PEAK1: variants seen among roughly 807,000 people sequenced by gnomAD.
PEAK1 encodes pseudopodium enriched atypical kinase 1.
Under a neutral mutation model 124.7 loss-of-function variants are expected in PEAK1, and 54 were observed. That is an observed-to-expected ratio of 0.43 (90% CI 0.35 to 0.54). The LOEUF (loss-of-function observed/expected upper bound fraction) is 0.54. Among genes scored for constraint, PEAK1 ranks in the 20% least tolerant of loss-of-function variants. The pLI is 0.01. For missense variants in PEAK1, 2,046 were observed against 2,134.5 expected, an observed-to-expected ratio of 0.96 and a Z score of 0.82; for synonymous variants, 719 against 760.0, an observed-to-expected ratio of 0.95 and a Z score of 0.89.
intron 2 of PEAK1, among the ~76,000 whole-genome samples, chr15:77,328,126 C>T (rs2153027967): frequency 6.6e-6 from 1 of 152,214 alleles, no homozygotes; most frequent in Middle Eastern, 3.4e-3. Context: ...GTATTTTAAT[C>T]CATTGACTGG....
chr15:77,365,567 G>A (rs2068165946), intron 1 of PEAK1, among the ~76,000 whole-genome samples: 1 of 152,000 alleles, frequency 6.6e-6, no homozygotes, highest in African/African-American at 2.4e-5. Context: ...GCGAAACCGT[G>A]TCTCTACTAA....
At chr15:77,145,130 T>C (rs1343018894) in intron 8 of PEAK1, among the ~76,000 whole-genome samples, 2 of 152,212 alleles carry the variant, frequency 1.3e-5, no homozygotes, top group Non-Finnish European at 2.9e-5. Flanking sequence ...TTCCATAATC[T>C]ACCTCTTTAC....
chr15:77,319,959 A>C (rs1360960357), intron 2 of PEAK1, among the ~76,000 whole-genome samples: 2 of 152,220 alleles, frequency 1.3e-5, no homozygotes, highest in Admixed American at 6.5e-5. Flanking sequence ...AACCAACATG[A>C]GATTTTATTA....
At chr15:77,185,514 G>A (rs1307854395) in intron 6 of PEAK1, among the ~76,000 whole-genome samples, 1 of 152,210 alleles carries the variant, frequency 6.6e-6, no homozygotes, top group Admixed American at 6.5e-5. Flanking sequence ...ATGCTGCTGA[G>A]AGGTAACGGA....
intron 1 of PEAK1, among the ~76,000 whole-genome samples, chr15:77,382,678 G>A (rs2069582009): frequency 6.6e-6 from 1 of 152,126 alleles, no homozygotes; most frequent in South Asian, 2.1e-4. Flanking sequence ...GTTCCTCCTA[G>A]AGCAGAGTCA....
At chr15:77,284,127 G>A (rs1021405007) in intron 4 of PEAK1, 97 bp from the exon 5 acceptor site, 1 of 543,696 alleles carries the variant, frequency 1.8e-6, no homozygotes, top group Non-Finnish European at 2.3e-6. Context: ...TGTAAACAAT[G>A]AAGAGAATGA....
At chr15:77,102,539 T>G (rs2050704412) in exon 7 of PEAK1, 1 of 152,236 alleles carries the variant, frequency 6.6e-6, no homozygotes. Context: ...CTTTGTGGCA[T>G]GTAACTCTGT....
At chr15:77,379,502 C>T (rs181343497) in intron 1 of PEAK1, among the ~76,000 whole-genome samples, 92 of 152,202 alleles carry the variant, frequency 6.0e-4, no homozygotes, top group Non-Finnish European at 7.4e-5. Flanking sequence ...CTGGGAAGAA[C>T]GGTATACATG....
At chr15:77,246,285 G>A (rs2060583802) in intron 6 of PEAK1, among the ~76,000 whole-genome samples, 2 of 152,160 alleles carry the variant, frequency 1.3e-5, no homozygotes, top group African/African-American at 4.8e-5. Flanking sequence ...GGGATTACAG[G>A]CGTGAGCCAC....
rs143273687 is a variant in PEAK1 at position 77,377,416 on chromosome 15, C to T, written c.-665-12191G>A. Among the ~76,000 whole-genome samples, 1,225 of 151,312 alleles carry T rather than the reference C, an allele frequency of 8.1e-3. 11 individuals are homozygous for T. The highest frequency in any genetic ancestry group is 0.034 in the South Asian group (162 of 4,796). Reference sequence around the variant, plus strand: ...AAAGTAAAACACAATTACAGATAAACATAGACAAGGTATGGGAAAAATACA... The same window carrying T: ...AAAGTAAAACACAATTACAGATAAATATAGACAAGGTATGGGAAAAATACA... On this transcript the variant is annotated intron_variant, in intron 1 of 9. Transcript: ENST00000682557.
intron 1 of PEAK1, chr15:77,402,169 A>AC: frequency 2.6e-5 from 11 of 418,948 alleles, no homozygotes; most frequent in Non-Finnish European, 2.9e-5. Flanking sequence ...TCCACCTCGG[A>AC]AAAAAAAAAA....
chr15:77,108,011 C>T (rs1325193236), downstream of PEAK1: 5 of 152,246 alleles, frequency 3.3e-5, no homozygotes, highest in Non-Finnish European at 7.3e-5. Context: ...ACCCAGAGTG[C>T]AGAAGACACA....
chr15:77,334,792 G>C, intron 2 of PEAK1: 1 of 985,150 alleles, frequency 1.0e-6, no homozygotes, highest in Non-Finnish European at 1.2e-6. Context: ...TTGTCATTTT[G>C]ATTTATTTTT....
chr15:77,402,593 C>G (rs1245850369), intron 1 of PEAK1: 2 of 981,494 alleles, frequency 2.0e-6, no homozygotes, highest in Non-Finnish European at 2.4e-6. Flanking sequence ...AAGATATGCT[C>G]CAGTTTTGAA....
intron 2 of PEAK1, chr15:77,336,615 T>C (rs968373313): frequency 1.8e-4 from 159 of 891,462 alleles, no homozygotes; most frequent in Admixed American, 6.2e-5. Flanking sequence ...AATCTGGCAA[T>C]ACCTGGTGAA....
At chr15:77,395,765 A>G (rs1441150273) in intron 1 of PEAK1, among the ~76,000 whole-genome samples, 1 of 152,184 alleles carries the variant, frequency 6.6e-6, no homozygotes, top group African/African-American at 2.4e-5. Flanking sequence ...GACAAACAAA[A>G]GTCAAACAAA....
chr15:77,288,927 C>CAAA (rs34321536), intron 2 of PEAK1, among the ~76,000 whole-genome samples: 1 of 86,168 alleles, frequency 1.2e-5, no homozygotes, highest in Non-Finnish European at 2.3e-5. Context: ...GACTCCGTCT[C>CAAA]AAAAAAAAAA....
chr15:77,292,845 CAT>C (rs2063293745), intron 2 of PEAK1, among the ~76,000 whole-genome samples: 1 of 152,050 alleles, frequency 6.6e-6, no homozygotes, highest in Non-Finnish European at 1.5e-5. Flanking sequence ...GAACTTGTGA[CAT>C]ATGACATACG....
At chr15:77,344,518 T>G (rs1301001973) in intron 2 of PEAK1, among the ~76,000 whole-genome samples, 1 of 152,264 alleles carries the variant, frequency 6.6e-6, no homozygotes, top group Non-Finnish European at 1.5e-5. Context: ...ACTCTGTTCT[T>G]CTTTTCAAGA....
Sources: allele counts gnomAD v4.1 joint callset (sites outside exome capture counted in the v4.1 genomes callset), GRCh38; gene constraint gnomAD v4.1.1; transcripts MANE v1.5; gene names NCBI Gene and HGNC (gene_info 2026-07-23, HGNC 2026-07-21).